RCN2: variants seen among roughly 807,000 people sequenced by gnomAD.
RCN2 encodes reticulocalbin-2.
RCN2 carries 23 observed loss-of-function variants against 37.5 expected under a neutral mutation model. That is an observed-to-expected ratio of 0.61 (90% confidence interval 0.44 to 0.87). The LOEUF (loss-of-function observed/expected upper bound fraction) is 0.87, where lower values mean the gene tolerates loss of function less well. RCN2 is among the 40% of genes least tolerant of loss of function. RCN2 has a pLI of 0.00. For missense variants in RCN2, 381 were observed against 390.4 expected (o/e 0.98, Z 0.20); for synonymous variants, 140 against 144.6 (o/e 0.97, Z 0.23).
In RCN2 at chr15:76,932,442, G is replaced by T. The variant is rs1397062986; in HGVS notation, c.226G>T (p.Asp76Tyr). 6.2e-7 allele frequency: 1 copy of T among 1,612,924 alleles called. No homozygotes were observed. Among genetic ancestry groups the T allele is most frequent in the Non-Finnish European group, 8.5e-7 (1 of 1,179,294 alleles). ...GGCGATCATAAAGAAAATCGACTTG[G>T]ACTCAGATGGCTTTCTCACTGAAAG... ...LQAIIKKIDL[D>Y]SDGFLTESEL... Residue 76 changes from aspartate (D) to tyrosine (Y), a missense_variant, in exon 2 of 7, where the codon GAC (aspartate) becomes TAC (tyrosine). Transcript: ENST00000394885.
intron 3 of RCN2, chr15:76,943,549 C>T: frequency 2.6e-6 from 1 of 386,162 alleles, no homozygotes; most frequent in Non-Finnish European, 4.7e-6. Flanking sequence ...AGTGGCATTG[C>T]TGGAATTCAG....
chr15:76,953,570 TATATATATATATATATATATA>T lies in RCN2; in HGVS notation c.*4349_*4369del, dbSNP rs2075331647. 2 of 17,154 alleles carry T rather than the reference TATATATATATATATATATATA, an allele frequency of 1.2e-4. No homozygotes were observed. Among genetic ancestry groups the T allele is most frequent in the East Asian group, 1.4e-3 (1 of 726 alleles). 1.1% of individuals were successfully genotyped at this position (17,154 alleles called of 1,614,324 possible). A position where few individuals can be genotyped will look rare whatever the true frequency, so the allele number is the denominator to read the frequency against. On this transcript the variant is annotated 3_prime_UTR_variant, in exon 7 of 7. Transcript: ENST00000394885. ...TATAGTAATTCTATATATATATATA[TATATATATATATATATATATA>T]TATTTTTTTTTTTTTTTTTTTTTTT...
chr15:76,943,707 A>C, intron 3 of RCN2, 51 bp from the exon 4 acceptor site: 1 of 950,828 alleles, frequency 1.1e-6, no homozygotes, highest in South Asian at 1.4e-5. Flanking sequence ...TGTATTTTTC[A>C]AAGTATTTAA....
intron 3 of RCN2, among the ~76,000 whole-genome samples, chr15:76,937,718 C>T (rs894490654): frequency 2.0e-5 from 3 of 152,072 alleles, no homozygotes; most frequent in Non-Finnish European, 2.9e-5. Context: ...CCAAATTACT[C>T]ATTTTTTGAA....
chr15:76,952,381 C>G lies in RCN2; in HGVS notation c.*3159C>G, dbSNP rs1032268348. Reference sequence around the variant, plus strand: ...TATTCATCCCTCCCTTCCCTGTAACCCCAAGCAATACTGATCTTTTTACTG... The same window carrying G: ...TATTCATCCCTCCCTTCCCTGTAACGCCAAGCAATACTGATCTTTTTACTG... On this transcript the variant is annotated 3_prime_UTR_variant, in exon 7 of 7. Coordinates refer to ENST00000394885, the MANE Select transcript of RCN2 (RefSeq NM_002902.3). 6.6e-6 allele frequency: 1 copy of G among 152,048 alleles called. No homozygotes were observed. Among genetic ancestry groups the G allele is most frequent in the African/African-American group, 2.4e-5 (1 of 41,376 alleles). 9.4% of individuals were successfully genotyped at this position (152,048 alleles called of 1,614,324 possible). A position where few individuals can be genotyped will look rare whatever the true frequency, so the allele number is the denominator to read the frequency against.
chr15:76,939,287 CTT>C, intron 3 of RCN2, among the ~76,000 whole-genome samples: 1 of 150,366 alleles, frequency 6.7e-6, no homozygotes, highest in Admixed American at 6.6e-5. Flanking sequence ...AAAATTTCCT[CTT>C]TAGGATTATA....
At chr15:76,933,671 C>T (rs188618319) in intron 2 of RCN2, among the ~76,000 whole-genome samples, 1 of 152,154 alleles carries the variant, frequency 6.6e-6, no homozygotes, top group Non-Finnish European at 1.5e-5. Flanking sequence ...TAAACTACCC[C>T]CTGATGGCAA....
chr15:76,953,593 A>ATATATATATAT lies in RCN2; in HGVS notation c.*4372_*4373insATATATATATT, dbSNP rs1568463559. On this transcript the variant is annotated 3_prime_UTR_variant, in exon 7 of 7. Transcript: ENST00000394885. Reference sequence around the variant, plus strand: ...TATATATATATATATATATATATATATTTTTTTTTTTTTTTTTTTTTTTTT... The same window carrying ATATATATATAT: ...TATATATATATATATATATATATATATATATATATATTTTTTTTTTTTTTTTTTTTTTTTTT... 1 of 9,840 alleles carries ATATATATATAT rather than the reference A, an allele frequency of 1.0e-4. No homozygotes were observed. The highest frequency in any genetic ancestry group is 3.4e-4 in the African/African-American group (1 of 2,976). The allele number at this position is 9,840 out of a possible 1,614,324, so 0.6% of individuals were successfully genotyped here. A position where few individuals can be genotyped will look rare whatever the true frequency, so the allele number is the denominator to read the frequency against.
chr15:76,932,398 A>G lies in RCN2; in HGVS notation c.182A>G (p.Glu61Gly). Residue 61 changes from glutamate (E) to glycine (G), a missense_variant, in exon 2 of 7, where the codon GAG becomes GGG. By Grantham distance (98) the Glu-to-Gly change is moderately conservative. Coordinates refer to ENST00000394885, the MANE Select transcript of RCN2 (RefSeq NM_002902.3). ...GAATATGTTAAACTCGGCCACGAAG[A>G]GCAGCAAAAAAGACTGCAGGCGATC... is the stretch of plus-strand genomic sequence containing the variant. ...VDEYVKLGHE[E>G]QQKRLQAIIK... The G allele has an allele frequency of 6.2e-7, 1 of 1,614,080 alleles. No individual in the cohort carries two copies. The highest frequency in any genetic ancestry group is 8.5e-7 in the Non-Finnish European group (1 of 1,179,932).
intron 3 of RCN2, chr15:76,942,185 T>G (rs889741060): frequency 6.6e-6 from 1 of 152,220 alleles, no homozygotes; most frequent in Non-Finnish European, 1.5e-5. Flanking sequence ...CCGCTGTAAA[T>G]CAGTAATTGT....
At chr15:76,940,504 C>G (rs980004987) in intron 3 of RCN2, among the ~76,000 whole-genome samples, 7 of 148,974 alleles carry the variant, frequency 4.7e-5, no homozygotes, top group African/African-American at 1.7e-4. Context: ...ATAAGAAAGT[C>G]TGTTATAACT....
At chr15:76,936,150 A>C (rs943408868) in intron 3 of RCN2, among the ~76,000 whole-genome samples, 1 of 152,022 alleles carries the variant, frequency 6.6e-6, no homozygotes, top group Non-Finnish European at 1.5e-5. Context: ...ACAACTGAGA[A>C]TCGTAAGTAT....
intron 4 of RCN2, among the ~76,000 whole-genome samples, chr15:76,946,375 T>C (rs1192976156): frequency 1.3e-5 from 2 of 151,824 alleles, no homozygotes; most frequent in Non-Finnish European, 2.9e-5. Context: ...TTGAGTCCAG[T>C]AGTTGGAGCC....
At chr15:76,935,808 G>C in intron 3 of RCN2, 86 bp downstream of exon 3, 1 of 946,614 alleles carries the variant, frequency 1.1e-6, no homozygotes, top group East Asian at 2.6e-5. Flanking sequence ...AGGGCCTGAG[G>C]TCATAAGCTG....
At position 76,949,073 on chromosome 15, in the gene RCN2, C is replaced by T; in HGVS notation, c.805C>T (p.Leu269Phe). Residue 269 changes from leucine to phenylalanine, a missense_variant, in exon 7 of 7, where the codon CTT becomes TTT. By Grantham distance (22) the Leu-to-Phe change is conservative. Coordinates refer to ENST00000394885, the MANE Select transcript of RCN2 (RefSeq NM_002902.3). ...NNQGIAQEEA[L>F]HLIDEMDLNG... ...ACTTTTTTGTTTTATTTTGAAGGCG[C>T]TTCATCTAATTGATGAAATGGATTT... 1 of 1,592,118 alleles carries T rather than the reference C, an allele frequency of 6.3e-7. No homozygotes were observed. The highest frequency in any genetic ancestry group is 8.5e-7 in the Non-Finnish European group (1 of 1,172,118).
At chr15:76,948,089 A>G in intron 5 of RCN2, 1 of 186,586 alleles carries the variant, frequency 5.4e-6, no homozygotes, top group Middle Eastern at 2.2e-3. Flanking sequence ...GAAACTTTGT[A>G]TAGAAACATG....
chr15:76,938,385 A>C (rs1201694149), intron 3 of RCN2, among the ~76,000 whole-genome samples: 5 of 152,216 alleles, frequency 3.3e-5, no homozygotes, highest in Non-Finnish European at 5.9e-5. Context: ...ATGCCACTTT[A>C]TATCAGGGAA....
intron 3 of RCN2, chr15:76,941,427 C>T: frequency 2.5e-6 from 1 of 395,030 alleles, no homozygotes; most frequent in Non-Finnish European, 4.5e-6. Context: ...TATATATTTC[C>T]TCATGTAGAA....
chr15:76,941,662 C>G, intron 3 of RCN2: 1 of 1,504,010 alleles, frequency 6.6e-7, no homozygotes, highest in Non-Finnish European at 8.9e-7. Flanking sequence ...AAAAAACAGT[C>G]TTTCTGTTTT....
Sources: allele counts gnomAD v4.1 joint callset (sites outside exome capture counted in the v4.1 genomes callset), GRCh38; gene constraint gnomAD v4.1.1; transcripts MANE v1.5; gene names NCBI Gene and HGNC (gene_info 2026-07-23, HGNC 2026-07-21).